SH2D1A: variants seen among roughly 807,000 people sequenced by gnomAD.
The protein encoded by SH2D1A is SH2 domain containing 1A.
In SH2D1A, 6 loss-of-function variants were observed where a neutral mutation model predicts 10.1. The observed-to-expected ratio is 0.60, with a 90% CI of 0.33 to 1.18. SH2D1A has a LOEUF of 1.18. Among genes scored for constraint, SH2D1A ranks in the 50% most tolerant of loss-of-function variants. SH2D1A has a pLI of 0.04. For synonymous variants in SH2D1A, 42 were observed against 36.9 expected, an observed-to-expected ratio of 1.14 and a Z score of -0.51; for missense variants, 51 against 97.6, an observed-to-expected ratio of 0.52 and a Z score of 2.01.
intron 1 of SH2D1A, among the ~76,000 whole-genome samples, chrX:124,350,127 A>G (rs1307162709): frequency 9.8e-5 from 8 of 81,843 alleles, no homozygotes; most frequent in African/African-American, 3.7e-4. Context: ...GCGTCAAAAA[A>G]AGTAAGGGCA....
At chrX:124,358,176 T>G (rs984730029) in intron 1 of SH2D1A, among the ~76,000 whole-genome samples, 2 of 111,981 alleles carry the variant, frequency 1.8e-5, no homozygotes, top group African/African-American at 6.5e-5. Flanking sequence ...TCTGTGCTTT[T>G]GGGGTTATAC....
chrX:124,366,850 A>G lies in SH2D1A; in HGVS notation c.201+1026A>G, dbSNP rs977542016. 4.7e-5 allele frequency among the ~76,000 whole-genome samples: 5 copies of G among 105,632 alleles called. No homozygotes were observed. The Admixed American group carries it at 5.2e-4, about 11-fold the overall frequency. The allele number at this position is 105,632 out of a possible 115,157, so 91.7% of individuals were successfully genotyped here. A position where few individuals can be genotyped will look rare whatever the true frequency, so the allele number is the denominator to read the frequency against. On this transcript the variant is annotated intron_variant, in intron 2 of 3. Coordinates refer to ENST00000371139, the MANE Select transcript of SH2D1A (RefSeq NM_002351.5). The stretch of plus-strand genomic sequence containing the variant: ...TAAGAAATTAAACTTTATTATGAAG[A>G]AAGTTATGTGTAAAATATACTGACA...
At chrX:124,363,078 A>G (rs756976055) in intron 1 of SH2D1A, among the ~76,000 whole-genome samples, 41 of 111,662 alleles carry the variant, frequency 3.7e-4, no homozygotes, top group Non-Finnish European at 7.0e-4. Flanking sequence ...TATGCCATTC[A>G]AGGTATGGTA....
chrX:124,359,468 A>C (rs2060034518), intron 1 of SH2D1A, among the ~76,000 whole-genome samples: 1 of 111,568 alleles, frequency 9.0e-6, no homozygotes, highest in African/African-American at 3.3e-5. Context: ...CATAGGGAAA[A>C]TGGAACTAAG....
At chrX:124,349,893 T>G in intron 1 of SH2D1A, among the ~76,000 whole-genome samples, 1 of 107,832 alleles carries the variant, frequency 9.3e-6, no homozygotes, top group Non-Finnish European at 1.9e-5. Context: ...CTATTAAAAA[T>G]AGTTCCTTAT....
intron 2 of SH2D1A, among the ~76,000 whole-genome samples, chrX:124,366,884 C>G (rs866434072): frequency 1.0e-5 from 1 of 97,237 alleles, no homozygotes; most frequent in Non-Finnish European, 2.0e-5. Context: ...CAAACACACA[C>G]ACACACACAC....
intron 1 of SH2D1A, among the ~76,000 whole-genome samples, chrX:124,357,166 C>T (rs2060028548): frequency 8.9e-6 from 1 of 111,768 alleles, no homozygotes; most frequent in Non-Finnish European, 1.9e-5. Context: ...CCCTGGTAGC[C>T]ACCCACCATT....
At chrX:124,359,903 G>C (rs900779819) in intron 1 of SH2D1A, among the ~76,000 whole-genome samples, 22 of 110,295 alleles carry the variant, frequency 2.0e-4, no homozygotes, top group Non-Finnish European at 3.8e-4. Flanking sequence ...ATTGATGAAA[G>C]ATATAGTAAT....
chrX:124,354,290 A>G (rs924409598), intron 1 of SH2D1A, among the ~76,000 whole-genome samples: 2 of 111,285 alleles, frequency 1.8e-5, no homozygotes, highest in African/African-American at 6.5e-5. Context: ...TAGCTTAAGC[A>G]AAGGGGGAGT....
chrX:124,362,174 G>C (rs1038267804), intron 1 of SH2D1A, among the ~76,000 whole-genome samples: 3 of 112,007 alleles, frequency 2.7e-5, no homozygotes, highest in Non-Finnish European at 5.6e-5. Context: ...GATAACCAGG[G>C]CTGCCATTCC....
At chrX:124,347,170 AC>A (rs1461653090) in intron 1 of SH2D1A, among the ~76,000 whole-genome samples, 42 of 111,609 alleles carry the variant, frequency 3.8e-4, no homozygotes, top group African/African-American at 1.3e-3. Flanking sequence ...TCTTTAAACG[AC>A]TTTTGAAGTG....
intron 1 of SH2D1A, among the ~76,000 whole-genome samples, chrX:124,364,017 T>G (rs2060047544): frequency 9.0e-6 from 1 of 110,568 alleles, no homozygotes; most frequent in Non-Finnish European, 1.9e-5. Flanking sequence ...GGTTTATGTA[T>G]TTACTGTACT....
rs1239514898 is a variant in SH2D1A, at chrX:124,372,255, A to T, written c.*864A>T. The T allele has an allele frequency of 3.0e-5, 5 of 164,807 alleles. No homozygotes were observed. Among genetic ancestry groups the T allele is most frequent in the Non-Finnish European group, 4.7e-5 (4 of 85,929 alleles). 13.6% of individuals were successfully genotyped at this position (164,807 alleles called of 1,213,427 possible). On this transcript the variant is annotated 3_prime_UTR_variant, in exon 4 of 4. Transcript: ENST00000371139. The stretch of plus-strand genomic sequence containing the variant: ...AAAGTTTATGGTTGTATTATTTTTT[A>T]AAAAAATTCCAAGTGATTGAAACCT...
chrX:124,355,300 GC>G (rs1169587769), intron 1 of SH2D1A, among the ~76,000 whole-genome samples: 3 of 111,223 alleles, frequency 2.7e-5, no homozygotes, highest in Non-Finnish European at 5.7e-5. Context: ...GTTGCTTCTT[GC>G]TTCTTGTCCA....
chrX:124,347,191 A>AG (rs1171265155), intron 1 of SH2D1A, among the ~76,000 whole-genome samples: 13 of 111,645 alleles, frequency 1.2e-4, no homozygotes. Flanking sequence ...GTCATCCCAA[A>AG]GGAAGAGCAT....
Position 124,364,617 on chromosome X carries a change from G to A in SH2D1A, c.138-1144G>A, listed in dbSNP as rs2060049467. Among the ~76,000 whole-genome samples the A allele has an allele frequency of 2.7e-5, 3 of 110,027 alleles. No individual in the cohort carries two copies. In the Admixed American group the frequency reaches 2.9e-4, roughly 11 times the overall value. On this transcript the variant is annotated intron_variant, in intron 1 of 3. Coordinates refer to ENST00000371139, the MANE Select transcript of SH2D1A (RefSeq NM_002351.5). ...CCTCCTGAGTTCAAGCGATTCTCCT[G>A]CCTCAGTGCCTCAGCCTCCCAAGTA...
At chrX:124,363,146 G>A (rs150740025) in intron 1 of SH2D1A, among the ~76,000 whole-genome samples, 1,299 of 111,755 alleles carry the variant, frequency 0.012, 2 homozygotes, top group East Asian at 0.033. Context: ...GCATGTAGTA[G>A]AAATCAATTA....
intron 1 of SH2D1A, among the ~76,000 whole-genome samples, chrX:124,358,798 C>G (rs755733110): frequency 9.0e-6 from 1 of 111,313 alleles, no homozygotes; most frequent in Non-Finnish European, 1.9e-5. Flanking sequence ...AATGTTCATA[C>G]AAATCACCTG....
intron 1 of SH2D1A, among the ~76,000 whole-genome samples, chrX:124,353,741 T>C (rs944103972): frequency 3.6e-5 from 4 of 112,415 alleles, no homozygotes; most frequent in Non-Finnish European, 7.5e-5. Flanking sequence ...TTGCTACTTA[T>C]CTGATGGAAG....
Sources: gnomAD v4.1 joint callset for allele counts (sites outside exome capture counted in the v4.1 genomes callset) on GRCh38, gnomAD v4.1.1 for gene constraint, MANE v1.5 for transcripts, NCBI Gene and HGNC (gene_info 2026-07-23, HGNC 2026-07-21) for gene names.